The following NAALADL2 variants were observed in gnomAD, a reference collection of about 807,000 sequenced individuals.
NAALADL2 encodes N-acetylated alpha-linked acidic dipeptidase like 2.
In NAALADL2, 76 loss-of-function variants were observed where a neutral mutation model predicts 87.2. That is an observed-to-expected ratio of 0.87 (90% CI 0.72 to 1.05). The LOEUF is 1.05. NAALADL2 is among the 50% of genes least tolerant of loss of function. The pLI is 0.00. For missense variants in NAALADL2, 1,089 were observed against 945.8 expected, an observed-to-expected ratio of 1.15 and a Z score of -1.99; for synonymous variants, 354 against 331.0, an observed-to-expected ratio of 1.07 and a Z score of -0.75.
chr3:174,983,075 G>A (rs973492897), intron 1 of NAALADL2, among the ~76,000 whole-genome samples: 6 of 152,184 alleles, frequency 3.9e-5, no homozygotes, highest in Admixed American at 1.3e-4. Flanking sequence ...TGGGATTACA[G>A]GCGTGAGCCA....
At chr3:175,016,880 G>A (rs868492184) in intron 1 of NAALADL2, among the ~76,000 whole-genome samples, 34 of 151,886 alleles carry the variant, frequency 2.2e-4, no homozygotes, top group African/African-American at 7.7e-4. Context: ...CAGGGTGATC[G>A]GGTTATCTAT....
chr3:174,710,176 G>T (rs995567479), intron 2 of NAALADL2, among the ~76,000 whole-genome samples: 1 of 150,306 alleles, frequency 6.7e-6, no homozygotes, highest in African/African-American at 2.5e-5. Context: ...CAAATCAGTT[G>T]ACCTTAAAAT....
intron 5 of NAALADL2, among the ~76,000 whole-genome samples, chr3:175,340,661 A>T (rs1762475828): frequency 6.6e-6 from 1 of 152,202 alleles, no homozygotes; most frequent in Admixed American, 6.6e-5. Context: ...CCCCTGCCAC[A>T]GTTAAGATGC....
chr3:174,841,844 A>G (rs978480231), intron 3 of NAALADL2, among the ~76,000 whole-genome samples: 1 of 152,128 alleles, frequency 6.6e-6, no homozygotes, highest in Admixed American at 6.5e-5. Flanking sequence ...TCATCATTCT[A>G]TGCTTGCATC....
intron 4 of NAALADL2, among the ~76,000 whole-genome samples, chr3:175,311,942 C>T (rs566960079): frequency 1.3e-5 from 2 of 152,214 alleles, no homozygotes; most frequent in African/African-American, 2.4e-5. Flanking sequence ...TAAAGGTGTT[C>T]AGTGAATTTG....
At chr3:174,844,977 G>A (rs1030235270) in intron 3 of NAALADL2, among the ~76,000 whole-genome samples, 5 of 151,290 alleles carry the variant, frequency 3.3e-5, no homozygotes, top group African/African-American at 7.3e-5. Context: ...GACTGCCCTC[G>A]GGCCAGGGGG....
intron 2 of NAALADL2, among the ~76,000 whole-genome samples, chr3:175,212,864 CT>C (rs1478413969): frequency 6.6e-6 from 1 of 152,116 alleles, no homozygotes; most frequent in Non-Finnish European, 1.5e-5. Flanking sequence ...TTGGTTAAAG[CT>C]TTACGAGCCA....
intron 11 of NAALADL2, among the ~76,000 whole-genome samples, chr3:175,656,556 A>G (rs1731486636): frequency 6.6e-6 from 1 of 152,116 alleles, no homozygotes; most frequent in South Asian, 2.1e-4. Flanking sequence ...CTGATATCCA[A>G]TTTTTACCAA....
At chr3:175,455,862 TG>T (rs779965062) in intron 6 of NAALADL2, among the ~76,000 whole-genome samples, 16 of 151,974 alleles carry the variant, frequency 1.1e-4, no homozygotes, top group Non-Finnish European at 1.9e-4. Context: ...AAGAACAATC[TG>T]GAAGTCCAAT....
intron 3 of NAALADL2, among the ~76,000 whole-genome samples, chr3:174,764,681 A>G (rs1713539822): frequency 6.6e-6 from 1 of 152,234 alleles, no homozygotes; most frequent in Non-Finnish European, 1.5e-5. Context: ...TTGAAGATCA[A>G]GATTGAAAGT....
intron 2 of NAALADL2, chr3:174,551,192 A>G (rs1450232760): frequency 6.6e-6 from 1 of 151,942 alleles, no homozygotes; most frequent in African/African-American, 2.4e-5. Context: ...AGCAGTCTAA[A>G]TTTTTTCACT....
At chr3:174,984,118 AAC>A (rs1428598675) in intron 1 of NAALADL2, among the ~76,000 whole-genome samples, 4 of 152,186 alleles carry the variant, frequency 2.6e-5, no homozygotes, top group Admixed American at 6.5e-5. Flanking sequence ...GTTTTAAAAA[AAC>A]ACACACACAA....
At chr3:174,792,291 G>A (rs956188904) in intron 3 of NAALADL2, among the ~76,000 whole-genome samples, 14 of 151,800 alleles carry the variant, frequency 9.2e-5, no homozygotes, top group African/African-American at 3.1e-4. Flanking sequence ...AGGGAAGGAG[G>A]GAGGGAGGGA....
chr3:175,721,394 T>C (rs1742222837), intron 11 of NAALADL2, among the ~76,000 whole-genome samples: 1 of 152,084 alleles, frequency 6.6e-6, no homozygotes, highest in South Asian at 2.1e-4. Flanking sequence ...ATAATAGCGT[T>C]GTAAATAGTT....
In NAALADL2 at chr3:175,496,378, AT is replaced by A. The variant is rs202022890; in HGVS notation, c.1653+24624del. ...TAGACAATTTATGTTTATCTTTTTT[AT>A]TTTAAAAAAATAAATTTTCTCTACC... On this transcript the variant is annotated intron_variant, in intron 9 of 13. Coordinates refer to ENST00000454872, the MANE Select transcript of NAALADL2 (RefSeq NM_207015.3). Among the ~76,000 whole-genome samples, 156 of 151,608 alleles carry A rather than the reference AT, an allele frequency of 1.0e-3. 1 individual carries two copies. Among genetic ancestry groups the A allele is most frequent in the Admixed American group, 2.6e-3 (39 of 15,228 alleles).
chr3:174,804,173 G>A (rs1719185588), intron 3 of NAALADL2, among the ~76,000 whole-genome samples: 1 of 152,082 alleles, frequency 6.6e-6, no homozygotes. Flanking sequence ...TCTCCTTGAG[G>A]AGGTCCTTCA....
At chr3:175,703,601 G>C (rs1241795458) in intron 11 of NAALADL2, among the ~76,000 whole-genome samples, 1 of 152,060 alleles carries the variant, frequency 6.6e-6, no homozygotes, top group Non-Finnish European at 1.5e-5. Flanking sequence ...AAATTAGTCA[G>C]GAGCGGTGGC....
chr3:175,468,787 T>C (rs1724458066), intron 8 of NAALADL2, among the ~76,000 whole-genome samples: 1 of 152,030 alleles, frequency 6.6e-6, no homozygotes, highest in South Asian at 2.1e-4. Flanking sequence ...TTAAAAAGTT[T>C]AGTTGAGCAT....
At position 175,725,545 on chromosome 3, in the gene NAALADL2, T is replaced by C. The variant is rs1583024275; in HGVS notation, c.1897-11761T>C. On this transcript the variant is annotated intron_variant, in intron 11 of 13. Transcript: ENST00000454872. The stretch of plus-strand genomic sequence containing the variant: ...TATTTTAAATAGGTGTAATCAGCCC[T>C]TGATTATTCCTTAGAATCGTTATGT... Among the ~76,000 whole-genome samples the C allele has an allele frequency of 3.3e-5, 5 of 152,302 alleles. No individual in the cohort carries two copies. The East Asian group carries it at 9.6e-4, about 29-fold the overall frequency.
Sources: gnomAD v4.1 joint callset for allele counts (sites outside exome capture counted in the v4.1 genomes callset) on GRCh38, gnomAD v4.1.1 for gene constraint, MANE v1.5 for transcripts, NCBI Gene and HGNC (gene_info 2026-07-23, HGNC 2026-07-21) for gene names.